Variants in ADRA1A observed in about 807,000 individuals in gnomAD.
The protein encoded by ADRA1A is adrenoceptor alpha 1A.
Under a neutral mutation model 29.6 loss-of-function variants are expected in ADRA1A, and 31 were observed. That is an observed-to-expected ratio of 1.05 (90% confidence interval 0.79 to 1.41). ADRA1A has a LOEUF of 1.41. Among genes scored for constraint, ADRA1A ranks in the 40% most tolerant of loss-of-function variants. The pLI is 0.00. For missense variants in ADRA1A, 619 were observed against 601.1 expected, an observed-to-expected ratio of 1.03 and a Z score of -0.31; for synonymous variants, 311 against 254.3, an observed-to-expected ratio of 1.22 and a Z score of -2.12.
intron 2 of ADRA1A, among the ~76,000 whole-genome samples, chr8:26,794,748 G>A (rs1009445426): frequency 6.6e-6 from 1 of 152,034 alleles, no homozygotes; most frequent in African/African-American, 2.4e-5. Context: ...AACATCTAAG[G>A]TAGGATTTAT....
chr8:26,847,570 C>T (rs1180983208), intron 2 of ADRA1A, among the ~76,000 whole-genome samples: 3 of 152,224 alleles, frequency 2.0e-5, no homozygotes, highest in African/African-American at 7.2e-5. Context: ...AGGTTTCTCA[C>T]TGGCAACGAA....
In ADRA1A at chr8:26,848,942, C is replaced by T. The variant is rs476631; in HGVS notation, c.883+15145G>A. On this transcript the variant is annotated intron_variant, in intron 2 of 2. Coordinates refer to ENST00000380573, the MANE Select transcript of ADRA1A (RefSeq NM_000680.4). This position sits in a 1 kb window ranked among gnomAD's most constrained non-coding sequence, Gnocchi z 4.3. ...AGGAGAGAATCGCACTGCGGGTGAC[C>T]CACTTCTGCTTCACACTCTGATATC... Among the ~76,000 whole-genome samples, 107,192 of 152,018 alleles carry T rather than the reference C, an allele frequency of 0.71. 38,183 individuals carry two copies. Among genetic ancestry groups the T allele is most frequent in the African/African-American group, 0.78 (32,404 of 41,466 alleles).
At chr8:26,813,048 C>A (rs116713749) in intron 2 of ADRA1A, among the ~76,000 whole-genome samples, 3,172 of 149,720 alleles carry the variant, frequency 0.021, 120 homozygotes, top group African/African-American at 0.076. Flanking sequence ...GTTGCGCTAT[C>A]GTCTAACTAC....
chr8:26,866,514 G>C lies in ADRA1A; in HGVS notation c.-687+422C>G, dbSNP rs1585874665. On this transcript the variant is annotated intron_variant, in intron 1 of 2. Coordinates refer to ENST00000380573, the MANE Select transcript of ADRA1A (RefSeq NM_000680.4). The surrounding 1 kb of genome is among the most constrained non-coding windows in gnomAD (Gnocchi z 5.7). ...TTCTGGGCTGGGGGCCACCATCTGC[G>C]TAAGAAACCTGGGTTTCCACAACTG... Among the ~76,000 whole-genome samples, 1 of 152,296 alleles carries C rather than the reference G, an allele frequency of 6.6e-6. No homozygotes were observed. The highest frequency in any genetic ancestry group is 1.5e-5 in the Non-Finnish European group (1 of 68,026).
At chr8:26,789,847 C>T (rs973024913) in intron 2 of ADRA1A, among the ~76,000 whole-genome samples, 15 of 152,028 alleles carry the variant, frequency 9.9e-5, no homozygotes, top group African/African-American at 3.6e-4. Context: ...AAATGGCTAA[C>T]CAATATATAA....
intron 2 of ADRA1A, among the ~76,000 whole-genome samples, chr8:26,826,167 T>G (rs1810547377): frequency 1.3e-5 from 2 of 152,250 alleles, no homozygotes; most frequent in African/African-American, 4.8e-5. Context: ...TTCTTCATTT[T>G]TTTCCCTAAG....
chr8:26,837,075 A>G (rs1346983136), intron 2 of ADRA1A, among the ~76,000 whole-genome samples: 1 of 152,040 alleles, frequency 6.6e-6, no homozygotes, highest in Non-Finnish European at 1.5e-5. Flanking sequence ...TAGAACTGTG[A>G]TTACTAAACA....
intron 2 of ADRA1A, among the ~76,000 whole-genome samples, chr8:26,859,861 G>C (rs371626332): frequency 6.6e-6 from 1 of 151,422 alleles, no homozygotes; most frequent in Non-Finnish European, 1.5e-5. Flanking sequence ...TCTGTCTCCC[G>C]GGTTCAAGCG....
chr8:26,828,255 T>C (rs1434572747), intron 2 of ADRA1A, among the ~76,000 whole-genome samples: 1 of 152,224 alleles, frequency 6.6e-6, no homozygotes, highest in Non-Finnish European at 1.5e-5. Flanking sequence ...GAAACTGTTC[T>C]TGGAGTGCTT....
chr8:26,807,153 C>A (rs1457489802), intron 2 of ADRA1A, among the ~76,000 whole-genome samples: 1 of 152,162 alleles, frequency 6.6e-6, no homozygotes, highest in East Asian at 1.9e-4. Flanking sequence ...ACAAATCTAA[C>A]CCCTTTCCAT....
At chr8:26,771,417 A>AT (rs75019411) in intron 2 of ADRA1A, among the ~76,000 whole-genome samples, 17,913 of 151,678 alleles carry the variant, frequency 0.12, 1,122 homozygotes, top group African/African-American at 0.17. Context: ...GTCATTGATC[A>AT]TTTTTTTTGT....
intron 2 of ADRA1A, among the ~76,000 whole-genome samples, chr8:26,846,559 A>C (rs1259148079): frequency 6.6e-6 from 1 of 152,158 alleles, no homozygotes; most frequent in Non-Finnish European, 1.5e-5. Context: ...ACTTGAGGTC[A>C]GGAGTTCGAG....
intron 2 of ADRA1A, among the ~76,000 whole-genome samples, chr8:26,840,684 A>G (rs1811757520): frequency 6.6e-6 from 1 of 152,106 alleles, no homozygotes; most frequent in Admixed American, 6.5e-5. Flanking sequence ...CTAAAACAGG[A>G]AGTCTTGATT....
chr8:26,811,359 A>AT (rs1378558057), intron 2 of ADRA1A, among the ~76,000 whole-genome samples: 1 of 151,954 alleles, frequency 6.6e-6, no homozygotes, highest in African/African-American at 2.4e-5. Context: ...CCCTCGGAGA[A>AT]TTTTTTGTAT....
chr8:26,835,179 T>G (rs1273038054), intron 2 of ADRA1A, among the ~76,000 whole-genome samples: 1 of 152,218 alleles, frequency 6.6e-6, no homozygotes, highest in South Asian at 2.1e-4. Context: ...ACAAGGGAAC[T>G]GGCTACTACT....
intron 2 of ADRA1A, among the ~76,000 whole-genome samples, chr8:26,800,764 C>A (rs1186441645): frequency 2.0e-5 from 3 of 152,002 alleles, no homozygotes; most frequent in Non-Finnish European, 4.4e-5. Flanking sequence ...TTGTATGGGG[C>A]CAGTATTACC....
At chr8:26,761,625 C>T (rs867970365), downstream of ADRA1A, among the ~76,000 whole-genome samples, 5 of 152,346 alleles carry the variant, frequency 3.3e-5, no homozygotes, top group South Asian at 2.1e-4. Flanking sequence ...AACCAGCCAA[C>T]GCCTTAATCT....
At position 26,848,107 on chromosome 8, in the gene ADRA1A, C is replaced by T. The variant is rs1411701575; in HGVS notation, c.883+15980G>A. ...AGGGCTTTTAACTGTAGACAGGCCC[C>T]TTTCCTCTGTTACAGGGAAGGCAGC... On this transcript the variant is annotated intron_variant, in intron 2 of 2. Coordinates refer to ENST00000380573, the MANE Select transcript of ADRA1A (RefSeq NM_000680.4). The surrounding 1 kb of genome is among the most constrained non-coding windows in gnomAD (Gnocchi z 4.3). Among the ~76,000 whole-genome samples, 1 of 152,236 alleles carries T rather than the reference C, an allele frequency of 6.6e-6. No individual in the cohort carries two copies. The highest frequency in any genetic ancestry group is 1.5e-5 in the Non-Finnish European group (1 of 68,050).
chr8:26,821,267 C>T lies in ADRA1A; in HGVS notation c.883+42820G>A, dbSNP rs1362455531. Among the ~76,000 whole-genome samples, 1 of 152,164 alleles carries T rather than the reference C, an allele frequency of 6.6e-6. No homozygotes were observed. The highest frequency in any genetic ancestry group is 1.5e-5 in the Non-Finnish European group (1 of 68,036). ...TATAAAGAAAGAGGTTTAATTGGCTCATGTTGCTGCAGGCTGTACAAACAT... is the reference window on the plus strand; with the variant it reads ...TATAAAGAAAGAGGTTTAATTGGCTTATGTTGCTGCAGGCTGTACAAACAT... On this transcript the variant is annotated intron_variant, in intron 2 of 2. Coordinates refer to ENST00000380573, the MANE Select transcript of ADRA1A (RefSeq NM_000680.4). This position sits in a 1 kb window ranked among gnomAD's most constrained non-coding sequence, Gnocchi z 5.6.
Sources: allele counts gnomAD v4.1 joint callset (sites outside exome capture counted in the v4.1 genomes callset), GRCh38; gene constraint gnomAD v4.1.1; non-coding constraint Gnocchi (gnomAD v3.1); transcripts MANE v1.5; gene names NCBI Gene and HGNC (gene_info 2026-07-23, HGNC 2026-07-21).